KIDINS220: variants seen among roughly 807,000 people sequenced by gnomAD.
KIDINS220 encodes kinase D-interacting substrate of 220 kDa.
KIDINS220 carries 63 observed loss-of-function variants against 157.6 expected under a neutral mutation model. The ratio of observed to expected loss-of-function variants is 0.40; its 90% confidence interval spans 0.33 to 0.49. The LOEUF (loss-of-function observed/expected upper bound fraction) is 0.49, where lower values mean the gene tolerates loss of function less well. Ranked by LOEUF, KIDINS220 falls within the 20% of genes least tolerant of loss-of-function variation. The probability of loss-of-function intolerance (pLI) is 0.66; values close to 1 mark genes in which losing one functional copy is unlikely to be tolerated. For synonymous variants in KIDINS220, 732 were observed against 783.6 expected, an observed-to-expected ratio of 0.93 and a Z score of 1.10; for missense variants, 1,772 against 2,171.2, an observed-to-expected ratio of 0.82 and a Z score of 3.65.
chr2:8,731,255 G>A lies in KIDINS220; in HGVS notation c.4781C>T (p.Ser1594Phe). The A allele has an allele frequency of 1.9e-6, 3 of 1,614,072 alleles. No homozygotes were observed. The highest frequency in any genetic ancestry group is 2.5e-6 in the Non-Finnish European group (3 of 1,180,040). ...TTCATTGTGCAGAGAGTGATTGGGA[G>A]AACTTTCACTGGATCTCACTCCTGA... ...SDSGVRSSES[S>F]PNHSLHNEVA... The change falls in exon 30 of 30, where the codon TCT (serine) becomes TTT (phenylalanine). Residue 1594 changes from serine (S) to phenylalanine (F), a missense_variant. By Grantham distance (155) the Ser-to-Phe change is radical (BLOSUM62 -2). Coordinates refer to ENST00000256707, the MANE Select transcript of KIDINS220 (RefSeq NM_020738.4). This position sits in a 1 kb window ranked among gnomAD's most constrained non-coding sequence, Gnocchi z 5.2.
At chr2:8,807,986 T>C (rs932741998) in intron 6 of KIDINS220, among the ~76,000 whole-genome samples, 1 of 152,040 alleles carries the variant, frequency 6.6e-6, no homozygotes. Context: ...TAGCCAGGCG[T>C]GGTGGTATAT....
At chr2:8,810,982 A>G (rs1676219502) in intron 6 of KIDINS220, among the ~76,000 whole-genome samples, 1 of 152,220 alleles carries the variant, frequency 6.6e-6, no homozygotes, top group South Asian at 2.1e-4. Flanking sequence ...GAGGTATAAC[A>G]TGCACAAAGT....
intron 22 of KIDINS220, among the ~76,000 whole-genome samples, chr2:8,770,434 C>A (rs573755631): frequency 1.3e-5 from 2 of 152,000 alleles, no homozygotes; most frequent in East Asian, 3.9e-4. Flanking sequence ...TTTAAATAAA[C>A]TTTATATACC....
intron 2 of KIDINS220, among the ~76,000 whole-genome samples, chr2:8,819,215 AAAAGT>A (rs1258511667): frequency 2.6e-5 from 4 of 152,354 alleles, no homozygotes; most frequent in African/African-American, 9.6e-5. Flanking sequence ...CGAGAAGAAG[AAAAGT>A]AAAATAATAA....
Position 8,731,887 on chromosome 2 carries a change from A to G in KIDINS220, c.4149T>C (p.Tyr1383=), listed in dbSNP as rs1664163675. 2 of 1,614,166 alleles carry G rather than the reference A, an allele frequency of 1.2e-6. No homozygotes were observed. ...SKLTDKVQAE[Y]RDAYREYIAQ... ...CAATGTATTCTCTATAGGCATCTCT[A>G]TACTCGGCCTGCACCTTATCAGTAA... is the stretch of plus-strand genomic sequence containing the variant. Residue 1383 remains tyrosine (Y), a synonymous_variant, in exon 30 of 30, where the codon TAT becomes TAC. Transcript: ENST00000256707. The surrounding 1 kb of genome is among the most constrained non-coding windows in gnomAD (Gnocchi z 5.2).
downstream of KIDINS220, chr2:8,726,936 T>G: frequency 7.8e-7 from 1 of 1,287,970 alleles, no homozygotes. Context: ...AAGGCCAGCA[T>G]TTTCTTCCTA....
intron 22 of KIDINS220, among the ~76,000 whole-genome samples, chr2:8,755,428 T>G (rs910620062): frequency 1.3e-5 from 2 of 152,208 alleles, no homozygotes; most frequent in Non-Finnish European, 2.9e-5. Context: ...ACAAGTTTAG[T>G]TTTTTCCACC....
chr2:8,752,698 A>C (rs746289602), intron 22 of KIDINS220, among the ~76,000 whole-genome samples: 9 of 152,124 alleles, frequency 5.9e-5, no homozygotes, highest in Non-Finnish European at 1.2e-4. Context: ...CTTATAAATA[A>C]ATTACACAGA....
At position 8,751,634 on chromosome 2, in the gene KIDINS220, T is replaced by G. The variant is rs376355404; in HGVS notation, c.3022A>C (p.Asn1008His). Reference protein sequence around the residue: ...LKTIYERISKNIPTTKDVEPL... With the variant: ...LKTIYERISKHIPTTKDVEPL... Reference sequence around the variant, plus strand: ...TCAACATCCTTAGTTGTTGGAATATTCTTTGATATTCTTCAAATAAGAAAT... The same window carrying G: ...TCAACATCCTTAGTTGTTGGAATATGCTTTGATATTCTTCAAATAAGAAAT... The change falls in exon 23 of 30, where the codon AAT becomes CAT. Residue 1008 changes from asparagine (N) to histidine (H), a missense_variant. Around this residue, in one of 3 missense-constraint regions of KIDINS220, gnomAD observed 725 missense variants for 1,017.1 expected, o/e 0.71. Transcript: ENST00000256707. 1.9e-6 allele frequency: 3 copies of G among 1,580,014 alleles called. No individual in the cohort carries two copies. Among genetic ancestry groups the G allele is most frequent in the Non-Finnish European group, 2.6e-6 (3 of 1,158,318 alleles).
rs1663755666 is a variant in KIDINS220 at position 8,729,618 on chromosome 2, CAT to C, written c.*1100_*1101del. On this transcript the variant is annotated 3_prime_UTR_variant, in exon 30 of 30. Coordinates refer to ENST00000256707, the MANE Select transcript of KIDINS220 (RefSeq NM_020738.4). ...TATATATTTTACCCTTGCTTTGTTA[CAT>C]GTTTCCAAATTTTTTTTTAAAAAGT... 2 of 978,050 alleles carry C rather than the reference CAT, an allele frequency of 2.0e-6. No homozygotes were observed. The highest frequency in any genetic ancestry group is 2.4e-6 in the Non-Finnish European group (2 of 823,266). 60.6% of individuals were successfully genotyped at this position (978,050 alleles called of 1,614,324 possible).
rs144733380 is a variant in KIDINS220 at position 8,771,469 on chromosome 2, C to T, written c.2849-637G>A. Among the ~76,000 whole-genome samples the T allele has an allele frequency of 6.5e-3, 989 of 152,274 alleles. 2 individuals are homozygous for T. The highest frequency in any genetic ancestry group is 0.01 in the Non-Finnish European group (682 of 68,008). ...CTAGGCTTGTGTACATGTAGACAGT[C>T]GCAATCCTCAAACTTTCAGAACGGA... On this transcript the variant is annotated intron_variant, in intron 21 of 29. Coordinates refer to ENST00000256707, the MANE Select transcript of KIDINS220 (RefSeq NM_020738.4).
At chr2:8,789,157 C>T (rs1672824218) in intron 14 of KIDINS220, among the ~76,000 whole-genome samples, 1 of 145,986 alleles carries the variant, frequency 6.8e-6, no homozygotes. Flanking sequence ...TGAAGACACC[C>T]CCAAGAATAG....
downstream of KIDINS220, among the ~76,000 whole-genome samples, chr2:8,726,034 A>G (rs1187415204): frequency 1.3e-5 from 2 of 152,184 alleles, no homozygotes; most frequent in African/African-American, 4.8e-5. Flanking sequence ...TGAAGCAGGA[A>G]CGCTTGTCTT....
At chr2:8,828,553 T>C (rs1346792955) in intron 1 of KIDINS220, among the ~76,000 whole-genome samples, 1 of 152,206 alleles carries the variant, frequency 6.6e-6, no homozygotes, top group Non-Finnish European at 1.5e-5. Context: ...TTGTACCACA[T>C]ACAGGTGCTA....
Position 8,813,253 on chromosome 2 carries a change from G to A in KIDINS220, c.389C>T (p.Pro130Leu). 1 of 1,612,348 alleles carries A rather than the reference G, an allele frequency of 6.2e-7. No individual in the cohort carries two copies. Among genetic ancestry groups the A allele is most frequent in the Non-Finnish European group, 8.5e-7 (1 of 1,179,330 alleles). Reference protein sequence around the residue: ...VELLLSHGANPSVTGLYSVYP... With the variant: ...VELLLSHGANLSVTGLYSVYP... ...AATGCTTACCAGACCAGTGACACTT[G>A]GATTGGCACCATGAGAAAGAAGCAA... The change falls in exon 5 of 30, where the codon CCA becomes CTA. Residue 130 changes from proline to leucine, a missense_variant. Physicochemically the swap from Pro to Leu is moderately conservative, Grantham distance 98. Coordinates refer to ENST00000256707, the MANE Select transcript of KIDINS220 (RefSeq NM_020738.4).
In KIDINS220 at chr2:8,731,360, C is replaced by T. The variant is rs1425613898; in HGVS notation, c.4676G>A (p.Ser1559Asn). Residue 1559 changes from serine to asparagine, a missense_variant, in exon 30 of 30, where the codon AGT (serine) becomes AAT (asparagine). By Grantham distance (46) the Ser-to-Asn change is conservative. Coordinates refer to ENST00000256707, the MANE Select transcript of KIDINS220 (RefSeq NM_020738.4). This position sits in a 1 kb window ranked among gnomAD's most constrained non-coding sequence, Gnocchi z 5.2. ...VERVPKSPEH[S>N]AEPIRTFIKA... ...AATGAAGGTTCTGATCGGCTCAGCA[C>T]TGTGTTCTGGAGACTTCGGCACTCT... 4 of 1,614,092 alleles carry T rather than the reference C, an allele frequency of 2.5e-6. No individual in the cohort carries two copies. In the African/African-American group the frequency reaches 4.0e-5, roughly 16 times the overall value.
At chr2:8,728,460 C>T (rs1176575704), downstream of KIDINS220, among the ~76,000 whole-genome samples, 1 of 152,218 alleles carries the variant, frequency 6.6e-6, no homozygotes, top group Admixed American at 6.5e-5. Flanking sequence ...CAGAGTTTTG[C>T]ATGTGTGAGA....
intron 2 of KIDINS220, among the ~76,000 whole-genome samples, chr2:8,821,278 G>C (rs534875747): frequency 5.3e-5 from 8 of 151,966 alleles, no homozygotes; most frequent in African/African-American, 1.9e-4. Flanking sequence ...TTCTCTTGCA[G>C]AAACTATTAG....
chr2:8,824,661 T>C (rs1245739298), intron 2 of KIDINS220, among the ~76,000 whole-genome samples: 4 of 152,136 alleles, frequency 2.6e-5, no homozygotes, highest in Admixed American at 2.0e-4. Context: ...GGCTGGGCAA[T>C]GGAGTGAGAA....
Sources: gnomAD v4.1 joint callset for allele counts (sites outside exome capture counted in the v4.1 genomes callset) on GRCh38, gnomAD v4.1.1 for gene constraint, gnomAD v4.1.1 regional missense constraint, Gnocchi (gnomAD v3.1) non-coding constraint, MANE v1.5 for transcripts, NCBI Gene and HGNC (gene_info 2026-07-23, HGNC 2026-07-21) for gene names.